Variants in C11orf65 observed in about 807,000 individuals in gnomAD.
C11orf65 encodes the protein chromosome 11 open reading frame 65.
In C11orf65, 38 loss-of-function variants were observed where a neutral mutation model predicts 35.3. That is an observed-to-expected ratio of 1.08 (90% confidence interval 0.83 to 1.41). C11orf65 has a LOEUF of 1.41. Among genes scored for constraint, C11orf65 ranks in the 40% most tolerant of loss-of-function variants. The pLI is 0.00. For synonymous variants in C11orf65, 105 were observed against 114.4 expected (o/e 0.92, Z 0.53); for missense variants, 370 against 367.1 (o/e 1.01, Z -0.06).
chr11:108,335,694 A>T lies in C11orf65; in HGVS notation c.227-402T>A. On this transcript the variant is annotated intron_variant, in intron 2 of 3. Transcript: ENST00000524755. ...TGTTGTAGCTTATTCTAAATGAAAGAATGGCAGTAGGTATTTAATTATTTG... is the reference window on the plus strand; with the variant it reads ...TGTTGTAGCTTATTCTAAATGAAAGTATGGCAGTAGGTATTTAATTATTTG... The T allele has an allele frequency of 6.1e-6, 4 of 657,464 alleles. No individual in the cohort carries two copies. In the South Asian group the frequency reaches 7.0e-5, roughly 11 times the overall value. 40.7% of individuals were successfully genotyped at this position (657,464 alleles called of 1,614,324 possible). A position where few individuals can be genotyped will look rare whatever the true frequency, so the allele number is the denominator to read the frequency against.
At chr11:108,320,354 GGCATTTA>G (rs1282932465) in intron 6 of C11orf65, among the ~76,000 whole-genome samples, 1 of 152,098 alleles carries the variant, frequency 6.6e-6, no homozygotes, top group Admixed American at 6.5e-5. Flanking sequence ...GTAATTGTAT[GGCATTTA>G]GTGTTCTAAT....
At chr11:108,422,483 C>T (rs533726599) in intron 3 of C11orf65, among the ~76,000 whole-genome samples, 2 of 152,278 alleles carry the variant, frequency 1.3e-5, no homozygotes, top group Admixed American at 1.3e-4. Flanking sequence ...ACATAAATGG[C>T]CACCTGATTT....
intron 2 of C11orf65, among the ~76,000 whole-genome samples, chr11:108,443,966 G>A (rs984992180): frequency 5.3e-5 from 8 of 152,022 alleles, no homozygotes; most frequent in African/African-American, 1.9e-4. Flanking sequence ...AAATAACTAA[G>A]TTCAGAGCGG....
At chr11:108,385,857 G>A (rs575199352) in intron 8 of C11orf65, 63 bp downstream of exon 8, 19 of 1,289,502 alleles carry the variant, frequency 1.5e-5, no homozygotes, top group South Asian at 2.4e-5. Context: ...CTAGAAATAC[G>A]TGTGTGGAAT....
rs542670404 is a variant in C11orf65 at position 108,336,343 on chromosome 11, G to C, written c.227-1051C>G. ...AAGAAGAAGAAGATGCCATTATTTGGACCAGGAGTCTACAAATGTTTTCTG... is the reference window on the plus strand; with the variant it reads ...AAGAAGAAGAAGATGCCATTATTTGCACCAGGAGTCTACAAATGTTTTCTG... On this transcript the variant is annotated intron_variant, in intron 2 of 3. Transcript: ENST00000524755. 67 of 176,916 alleles carry C rather than the reference G, an allele frequency of 3.8e-4. 1 individual carries two copies. Among genetic ancestry groups the C allele is most frequent in the African/African-American group, 1.5e-3 (63 of 41,860 alleles). 11.0% of individuals were successfully genotyped at this position (176,916 alleles called of 1,614,324 possible). A position where few individuals can be genotyped will look rare whatever the true frequency, so the allele number is the denominator to read the frequency against.
At chr11:108,375,958 C>A (rs1309297578) in intron 2 of C11orf65, among the ~76,000 whole-genome samples, 1 of 152,090 alleles carries the variant, frequency 6.6e-6, no homozygotes, top group Non-Finnish European at 1.5e-5. Context: ...TATATGCAAC[C>A]AATACAGGAG....
chr11:108,315,718 T>G (rs2136113318), intron 6 of C11orf65: 2 of 789,000 alleles, frequency 2.5e-6, no homozygotes, highest in East Asian at 2.6e-5. Flanking sequence ...AACATAACAT[T>G]TAGAGTTGGG....
intron 2 of C11orf65, among the ~76,000 whole-genome samples, chr11:108,345,303 T>G (rs1397739110): frequency 6.6e-6 from 1 of 152,192 alleles, no homozygotes; most frequent in Non-Finnish European, 1.5e-5. Flanking sequence ...CAGGTAGTAT[T>G]TTATGGCAAG....
At chr11:108,325,932 A>C in intron 6 of C11orf65, 1 of 1,192,852 alleles carries the variant, frequency 8.4e-7, no homozygotes, top group Non-Finnish European at 1.2e-6. Flanking sequence ...AGAGGTCCTT[A>C]AGATAGTCCC....
At chr11:108,312,848 C>A (rs1437389098) in intron 6 of C11orf65, among the ~76,000 whole-genome samples, 1 of 152,166 alleles carries the variant, frequency 6.6e-6, no homozygotes, top group Non-Finnish European at 1.5e-5. Context: ...TTGTATGTTA[C>A]AGAAGAAGCA....
chr11:108,402,290 A>C (rs1387017634), intron 6 of C11orf65, among the ~76,000 whole-genome samples: 1 of 152,212 alleles, frequency 6.6e-6, no homozygotes, highest in Non-Finnish European at 1.5e-5. Flanking sequence ...CCAACAAGGC[A>C]CTTTGGAAGT....
At chr11:108,346,004 G>A in intron 2 of C11orf65, 1 of 1,426,108 alleles carries the variant, frequency 7.0e-7, no homozygotes. Flanking sequence ...CTGAGTTGCA[G>A]GGGGATGATA....
chr11:108,433,845 C>T (rs1470992122), intron 2 of C11orf65, among the ~76,000 whole-genome samples: 1 of 152,016 alleles, frequency 6.6e-6, no homozygotes, highest in Non-Finnish European at 1.5e-5. Flanking sequence ...TGGGACAGAA[C>T]CTCAAGTAGC....
At chr11:108,418,495 T>A (rs2092772413) in intron 3 of C11orf65, among the ~76,000 whole-genome samples, 1 of 152,098 alleles carries the variant, frequency 6.6e-6, no homozygotes, top group African/African-American at 2.4e-5. Flanking sequence ...TCAAAACTTG[T>A]AAGCTGCAGC....
chr11:108,368,664 C>G (rs1591398314), intron 2 of C11orf65: 2 of 217,258 alleles, frequency 9.2e-6, no homozygotes, highest in South Asian at 1.9e-4. Context: ...AATAGTGAAG[C>G]TATCAGAGAA....
chr11:108,327,244 T>C (rs931513014), downstream of C11orf65: 3 of 239,984 alleles, frequency 1.3e-5, no homozygotes, highest in East Asian at 3.1e-4. Context: ...CTTAATAGTA[T>C]TGGCCCTGAA....
At chr11:108,317,218 C>T (rs923296080) in intron 6 of C11orf65, among the ~76,000 whole-genome samples, 3 of 152,180 alleles carry the variant, frequency 2.0e-5, no homozygotes, top group Admixed American at 1.3e-4. Flanking sequence ...AGATTACAGG[C>T]ATGAGCCACC....
At chr11:108,382,684 C>T (rs768546223), downstream of C11orf65, 11 of 719,756 alleles carry the variant, frequency 1.5e-5, no homozygotes, top group African/African-American at 5.8e-5. Context: ...ATAAAGGGAC[C>T]GAGAGCTCTG....
rs763032120 is a variant in C11orf65, at chr11:108,461,448, A to G, written c.81+31T>C. ...CTTTAAATTTTATGACATAAAAATT[A>G]TATTTCAATAAAACTTCTAAATAAA... On this transcript the variant is annotated intron_variant, in intron 2 of 8. Coordinates refer to ENST00000393084, the MANE Select transcript of C11orf65 (RefSeq NM_152587.5). The G allele has an allele frequency of 2.7e-6, 4 of 1,496,020 alleles. No homozygotes were observed. In the South Asian group the frequency reaches 4.8e-5, roughly 18 times the overall value. The allele number at this position is 1,496,020 out of a possible 1,614,324, so 92.7% of individuals were successfully genotyped here.
Sources: gnomAD v4.1 joint callset for allele counts (sites outside exome capture counted in the v4.1 genomes callset) on GRCh38, gnomAD v4.1.1 for gene constraint, MANE v1.5 for transcripts, NCBI Gene and HGNC (gene_info 2026-07-23, HGNC 2026-07-21) for gene names.